The following TSNARE1 variants were observed in gnomAD, a reference collection of about 807,000 sequenced individuals.
The protein encoded by TSNARE1 is t-SNARE domain containing 1, also known as t-SNARE domain-containing protein 1.
Under a neutral mutation model 62.0 loss-of-function variants are expected in TSNARE1, and 49 were observed. The observed-to-expected ratio is 0.79, with a 90% CI of 0.63 to 1.00. The LOEUF is 1.00. TSNARE1 is among the 50% of genes least tolerant of loss of function. TSNARE1 has a pLI of 0.00. For missense variants in TSNARE1, 755 were observed against 700.1 expected (o/e 1.08, Z -0.88); for synonymous variants, 328 against 294.4 (o/e 1.11, Z -1.17).
intron 2 of TSNARE1, among the ~76,000 whole-genome samples, chr8:142,346,355 G>C (rs527782366): frequency 6.6e-6 from 1 of 152,350 alleles, no homozygotes; most frequent in African/African-American, 2.4e-5. Context: ...AAGCCACACT[G>C]CTGTCCCCAC....
At chr8:142,267,916 G>A (rs143253213) in intron 12 of TSNARE1, among the ~76,000 whole-genome samples, 12 of 152,336 alleles carry the variant, frequency 7.9e-5, no homozygotes, top group East Asian at 5.8e-4. Flanking sequence ...TCTCTCACAC[G>A]CTTGCTAAGA....
intron 13 of TSNARE1, among the ~76,000 whole-genome samples, chr8:142,217,325 A>AAGAAAGAAAGAAAGAG (rs1815905664): frequency 2.1e-5 from 1 of 47,684 alleles, no homozygotes; most frequent in Admixed American, 2.7e-4. Context: ...GAAAGAAAGA[A>AAGAAAGAAAGAAAGAG]AGAAAGAAAG....
intron 2 of TSNARE1, among the ~76,000 whole-genome samples, chr8:142,354,162 G>A (rs985359730): frequency 3.9e-5 from 6 of 152,132 alleles, no homozygotes; most frequent in Non-Finnish European, 5.9e-5. Context: ...GCAGCGGCTC[G>A]ACGCTCTGAA....
chr8:142,278,217 C>T (rs973465999), intron 11 of TSNARE1: 11 of 985,324 alleles, frequency 1.1e-5, no homozygotes, highest in Non-Finnish European at 1.3e-5. Context: ...ACAGGGTTGG[C>T]TGGGTCTACA....
Position 142,319,307 on chromosome 8 carries a change from C to A in TSNARE1, c.894-673G>T, listed in dbSNP as rs917440291. On this transcript the variant is annotated intron_variant, in intron 6 of 13. Transcript: ENST00000524325. This position sits in a 1 kb window ranked among gnomAD's most constrained non-coding sequence, Gnocchi z 4.9. ...GGCCCAGGGAGGCCAGCAGTCCCCA[C>A]CCCCCTGCACACCTCTGAGGGGTGC... 1.3e-5 allele frequency among the ~76,000 whole-genome samples: 2 copies of A among 151,686 alleles called. No homozygotes were observed. Among genetic ancestry groups the A allele is most frequent in the Non-Finnish European group, 3.0e-5 (2 of 67,674 alleles).
At chr8:142,363,817 C>G (rs768957718) in intron 1 of TSNARE1, among the ~76,000 whole-genome samples, 4 of 152,112 alleles carry the variant, frequency 2.6e-5, no homozygotes, top group Non-Finnish European at 5.9e-5. Context: ...GGGTGAAGAC[C>G]ACGCACGCCC....
intron 12 of TSNARE1, among the ~76,000 whole-genome samples, chr8:142,242,190 A>G (rs13260672): frequency 1.9e-5 from 1 of 52,756 alleles, no homozygotes; most frequent in Non-Finnish European, 3.3e-5. Flanking sequence ...CTCAAAATGG[A>G]TGGAAGACCG....
intron 6 of TSNARE1, 50 bp from the exon 7 acceptor site, chr8:142,318,684 G>C: frequency 6.3e-7 from 1 of 1,588,590 alleles, no homozygotes; most frequent in Non-Finnish European, 8.6e-7. Flanking sequence ...GAAGGCAGCA[G>C]AGAGCAAGGG....
At chr8:142,333,179 C>T (rs2132064118) in intron 4 of TSNARE1, among the ~76,000 whole-genome samples, 1 of 152,342 alleles carries the variant, frequency 6.6e-6, no homozygotes, top group African/African-American at 2.4e-5. Context: ...TGTCACAACG[C>T]CCAGGATGGC....
At chr8:142,368,388 T>C (rs1835702138) in intron 1 of TSNARE1, among the ~76,000 whole-genome samples, 1 of 152,192 alleles carries the variant, frequency 6.6e-6, no homozygotes, top group Non-Finnish European at 1.5e-5. Context: ...TTATACTGGT[T>C]CGGAGAGTTC....
chr8:142,252,809 C>G (rs886566320), intron 12 of TSNARE1, among the ~76,000 whole-genome samples: 1 of 152,226 alleles, frequency 6.6e-6, no homozygotes, highest in African/African-American at 2.4e-5. Flanking sequence ...TCCTGGCTCC[C>G]CTGTGGACCT....
intron 2 of TSNARE1, among the ~76,000 whole-genome samples, chr8:142,349,192 G>C (rs1387525772): frequency 6.6e-6 from 1 of 152,172 alleles, no homozygotes; most frequent in Admixed American, 6.5e-5. Context: ...ATGTGTGTTC[G>C]GGTTTGAAAT....
At chr8:142,227,016 C>CAG (rs1816825225) in intron 13 of TSNARE1, among the ~76,000 whole-genome samples, 5 of 91,666 alleles carry the variant, frequency 5.5e-5, no homozygotes, top group African/African-American at 1.9e-4. Flanking sequence ...CAGTGACAGC[C>CAG]AAGCCCCCCA....
chr8:142,395,652 C>T (rs896833515), intron 1 of TSNARE1, among the ~76,000 whole-genome samples: 2 of 152,238 alleles, frequency 1.3e-5, no homozygotes, highest in Non-Finnish European at 2.9e-5. Context: ...CCGGCGAAAA[C>T]GCCCAGGTAC....
At chr8:142,226,242 C>T (rs1305933140) in intron 13 of TSNARE1, among the ~76,000 whole-genome samples, 2 of 152,198 alleles carry the variant, frequency 1.3e-5, no homozygotes, top group South Asian at 4.1e-4. Context: ...TGGTTTCCGG[C>T]TGGCTTGGGG....
chr8:142,356,678 T>C (rs533752028), intron 1 of TSNARE1, among the ~76,000 whole-genome samples: 40 of 152,152 alleles, frequency 2.6e-4, no homozygotes, highest in Admixed American at 5.9e-4. Flanking sequence ...GTGACGACAA[T>C]CACAGAGGCG....
At chr8:142,223,039 C>CTCAGTCACTCACTCACTCAT in intron 13 of TSNARE1, among the ~76,000 whole-genome samples, 1 of 92,500 alleles carries the variant, frequency 1.1e-5, no homozygotes, top group African/African-American at 3.8e-5. Flanking sequence ...CACTCATTCA[C>CTCAGTCACTCACTCACTCAT]TCACTCACTC....
chr8:142,388,961 G>A, intron 1 of TSNARE1, among the ~76,000 whole-genome samples: 1 of 152,056 alleles, frequency 6.6e-6, no homozygotes. Flanking sequence ...ACAATAAAAG[G>A]GATAAAATTT....
intron 9 of TSNARE1, among the ~76,000 whole-genome samples, chr8:142,312,458 C>A (rs761654456): frequency 6.6e-6 from 1 of 152,130 alleles, no homozygotes; most frequent in Non-Finnish European, 1.5e-5. Flanking sequence ...TGATTCCAGG[C>A]TATACTTTAG....
Sources: allele counts gnomAD v4.1 joint callset (sites outside exome capture counted in the v4.1 genomes callset), GRCh38; gene constraint gnomAD v4.1.1; non-coding constraint Gnocchi (gnomAD v3.1); transcripts MANE v1.5; gene names NCBI Gene and HGNC (gene_info 2026-07-23, HGNC 2026-07-21).